Variants in STAG1 observed in about 807,000 individuals in gnomAD.
STAG1 encodes cohesin subunit SA-1.
STAG1 carries 26 observed loss-of-function variants against 170.9 expected under a neutral mutation model. The ratio of observed to expected loss-of-function variants is 0.15; its 90% CI spans 0.11 to 0.21. The LOEUF (loss-of-function observed/expected upper bound fraction) is 0.21, where lower values mean the gene tolerates loss of function less well. Ranked by LOEUF, STAG1 falls within the 10% of genes least tolerant of loss-of-function variation. The pLI is 1.00. For missense variants in STAG1, 964 were observed against 1,509.5 expected, an observed-to-expected ratio of 0.64 and a Z score of 5.99; for synonymous variants, 514 against 497.7, an observed-to-expected ratio of 1.03 and a Z score of -0.44.
At chr3:136,436,157 T>C (rs1274837368) in intron 15 of STAG1, among the ~76,000 whole-genome samples, 1 of 152,124 alleles carries the variant, frequency 6.6e-6, no homozygotes, top group African/African-American at 2.4e-5. Context: ...GGTTTCACCA[T>C]GATGGCCAGG....
intron 1 of STAG1, among the ~76,000 whole-genome samples, chr3:136,649,635 G>A (rs1941148611): frequency 6.6e-6 from 1 of 151,554 alleles, no homozygotes; most frequent in East Asian, 1.9e-4. Context: ...AAAATAACAG[G>A]CCAAGTGCAG....
At chr3:136,590,255 T>C (rs1043801189) in intron 4 of STAG1, among the ~76,000 whole-genome samples, 14 of 151,818 alleles carry the variant, frequency 9.2e-5, no homozygotes, top group Admixed American at 3.3e-4. Context: ...GAGGTTGAGG[T>C]GGGTGGATCA....
At chr3:136,574,464 A>G (rs1435930033) in intron 4 of STAG1, among the ~76,000 whole-genome samples, 3 of 152,178 alleles carry the variant, frequency 2.0e-5, no homozygotes, top group Non-Finnish European at 4.4e-5. Context: ...ATACACATAC[A>G]TACACACACA....
chr3:136,668,407 AAT>A (rs1012812308), intron 1 of STAG1, among the ~76,000 whole-genome samples: 1 of 146,300 alleles, frequency 6.8e-6, no homozygotes, highest in South Asian at 2.1e-4. Context: ...TATTATGTAT[AAT>A]ATATATAAAA....
chr3:136,487,330 T>C (rs1186435868), intron 9 of STAG1, among the ~76,000 whole-genome samples: 1 of 152,236 alleles, frequency 6.6e-6, no homozygotes, highest in East Asian at 1.9e-4. Flanking sequence ...TACGGCTGCA[T>C]GGTATTCCAT....
In STAG1 at chr3:136,600,940, G is replaced by T. The variant is rs1386406585; in HGVS notation, c.297+3369C>A. 2.1e-4 allele frequency among the ~76,000 whole-genome samples: 32 copies of T among 152,050 alleles called. 1 individual carries two copies. The stretch of plus-strand genomic sequence containing the variant: ...AAGTCTTCCTCTGTCGCCAAGGCTG[G>T]AGTGCAGTGGCGCAATCTTGGCTCA... On this transcript the variant is annotated intron_variant, in intron 4 of 33. Transcript: ENST00000383202.
At position 136,565,039 on chromosome 3, in the gene STAG1, CAGA is replaced by C. The variant is rs60090061; in HGVS notation, c.394+3723_394+3725del. Among the ~76,000 whole-genome samples, 352 of 44,904 alleles carry C rather than the reference CAGA, an allele frequency of 7.8e-3. 7 individuals carry two copies. The highest frequency in any genetic ancestry group is 0.027 in the Middle Eastern group (2 of 74). 29.5% of individuals were successfully genotyped at this position (44,904 alleles called of 152,430 possible). On this transcript the variant is annotated intron_variant, in intron 5 of 33. Coordinates refer to ENST00000383202, the MANE Select transcript of STAG1 (RefSeq NM_005862.3). ...GCAGGCAGGCAGGCAGGCAGGCAGG[CAGA>C]AGGGAGGGAGGGAGGGAGGGAGGGA...
intron 17 of STAG1, 26 bp from the exon 18 acceptor site, chr3:136,422,883 C>G: frequency 1.3e-6 from 2 of 1,594,464 alleles, no homozygotes; most frequent in South Asian, 1.1e-5. Flanking sequence ...AAGAAAAAGA[C>G]AGTAACTACT....
chr3:136,551,208 TGAGAGAGAGAGAGAGAGAGAGAGAGA>T (rs57609965), intron 5 of STAG1, among the ~76,000 whole-genome samples: 2 of 44,496 alleles, frequency 4.5e-5, no homozygotes, highest in East Asian at 1.5e-3. Context: ...TGAGAGAGAG[TGAGAGAGAGAGAGAGAGAGAGAGAGA>T]GAGAGAGAGA....
intron 22 of STAG1, among the ~76,000 whole-genome samples, chr3:136,384,231 A>G (rs1250468727): frequency 3.3e-5 from 5 of 151,642 alleles, no homozygotes; most frequent in Non-Finnish European, 7.4e-5. Context: ...TGAGTGGATC[A>G]CCTGAGGTCA....
At chr3:136,427,073 A>T (rs942623621) in intron 16 of STAG1, among the ~76,000 whole-genome samples, 19 of 151,418 alleles carry the variant, frequency 1.3e-4, no homozygotes, top group Admixed American at 6.6e-4. Context: ...AAAAAAAAAA[A>T]AAAAAATTAG....
chr3:136,469,701 A>G (rs1258001787), intron 12 of STAG1, among the ~76,000 whole-genome samples: 4 of 152,230 alleles, frequency 2.6e-5, no homozygotes, highest in Non-Finnish European at 5.9e-5. Flanking sequence ...AAAAGAACAA[A>G]GCTGGAGGCA....
intron 13 of STAG1, among the ~76,000 whole-genome samples, chr3:136,456,674 A>T (rs1177300529): frequency 6.6e-6 from 1 of 152,224 alleles, no homozygotes; most frequent in Non-Finnish European, 1.5e-5. Flanking sequence ...CATCAAACAA[A>T]TTCAACCCAA....
Position 136,419,225 on chromosome 3 carries a change from G to A in STAG1, c.2109-1253C>T, listed in dbSNP as rs1392576192. ...ATGACAGTTTTTTAAAAAAATAAAAGTTTGCTTTTCTAGGGAATTCTAAAA... is the reference window on the plus strand; with the variant it reads ...ATGACAGTTTTTTAAAAAAATAAAAATTTGCTTTTCTAGGGAATTCTAAAA... On this transcript the variant is annotated intron_variant, in intron 20 of 33. Coordinates refer to ENST00000383202, the MANE Select transcript of STAG1 (RefSeq NM_005862.3). Among the ~76,000 whole-genome samples, 3 of 144,504 alleles carry A rather than the reference G, an allele frequency of 2.1e-5. No homozygotes were observed. The East Asian group carries it at 5.8e-4, about 28-fold the overall frequency. The allele number at this position is 144,504 out of a possible 152,430, so 94.8% of individuals were successfully genotyped here. A position where few individuals can be genotyped will look rare whatever the true frequency, so the allele number is the denominator to read the frequency against.
chr3:136,508,698 A>C (rs999292320), intron 7 of STAG1, among the ~76,000 whole-genome samples: 8 of 152,304 alleles, frequency 5.3e-5, no homozygotes, highest in African/African-American at 1.7e-4. Context: ...AAAATAAATA[A>C]ATAAGTAAAT....
At chr3:136,422,671 A>G in intron 18 of STAG1, 58 bp from the exon 19 acceptor site, 3 of 1,554,362 alleles carry the variant, frequency 1.9e-6, no homozygotes, top group Non-Finnish European at 2.6e-6. Context: ...AAAATAAAAA[A>G]TTAGCATCTG....
At position 136,409,045 on chromosome 3, in the gene STAG1, C is replaced by A. The variant is rs139675964; in HGVS notation, c.2196+8840G>T. On this transcript the variant is annotated intron_variant, in intron 21 of 33. Coordinates refer to ENST00000383202, the MANE Select transcript of STAG1 (RefSeq NM_005862.3). Reference sequence around the variant, plus strand: ...CTTTGGGAGGCCGAGGCGGGTGGATCACAGAGGTCAGGAGTTTGAGACCAG... The same window carrying A: ...CTTTGGGAGGCCGAGGCGGGTGGATAACAGAGGTCAGGAGTTTGAGACCAG... Among the ~76,000 whole-genome samples the A allele has an allele frequency of 7.4e-3, 1,130 of 152,150 alleles. 17 individuals carry two copies. The highest frequency in any genetic ancestry group is 0.026 in the African/African-American group (1,079 of 41,536).
At chr3:136,467,741 T>C (rs563238967) in intron 12 of STAG1, among the ~76,000 whole-genome samples, 7 of 152,264 alleles carry the variant, frequency 4.6e-5, no homozygotes, top group South Asian at 2.1e-4. Context: ...TATTCCAAAA[T>C]TGACCACATA....
At chr3:136,411,773 A>T (rs1163793414) in intron 21 of STAG1, among the ~76,000 whole-genome samples, 1 of 152,120 alleles carries the variant, frequency 6.6e-6, no homozygotes, top group Non-Finnish European at 1.5e-5. Context: ...AGATGGTGAA[A>T]TCCCATATCT....
Sources: gnomAD v4.1 joint callset for allele counts (sites outside exome capture counted in the v4.1 genomes callset) on GRCh38, gnomAD v4.1.1 for gene constraint, MANE v1.5 for transcripts, NCBI Gene and HGNC (gene_info 2026-07-23, HGNC 2026-07-21) for gene names.